Variants in STXBP5L observed in about 807,000 individuals in gnomAD.
STXBP5L encodes syntaxin binding protein 5L.
In STXBP5L, 65 loss-of-function variants were observed where a neutral mutation model predicts 144.5. That is an observed-to-expected ratio of 0.45 (90% CI 0.37 to 0.55). STXBP5L has a LOEUF of 0.55. STXBP5L is among the 20% of genes least tolerant of loss of function. The pLI, the probability that STXBP5L is intolerant of heterozygous loss-of-function variation, is 0.00. For missense variants in STXBP5L, 1,298 were observed against 1,405.5 expected (o/e 0.92, Z 1.22); for synonymous variants, 505 against 469.6 (o/e 1.08, Z -0.97).
At chr3:121,044,632 T>C (rs1462272197) in intron 4 of STXBP5L, among the ~76,000 whole-genome samples, 1 of 152,142 alleles carries the variant, frequency 6.6e-6, no homozygotes, top group Non-Finnish European at 1.5e-5. Flanking sequence ...TTTCAGCTGG[T>C]TAGCTGTCAT....
intron 19 of STXBP5L, among the ~76,000 whole-genome samples, chr3:121,315,856 G>T (rs1320022443): frequency 6.6e-6 from 1 of 151,912 alleles, no homozygotes; most frequent in Non-Finnish European, 1.5e-5. Flanking sequence ...ATAAAAATTA[G>T]CTGGGCTTGG....
chr3:120,959,529 G>A (rs1239232207), intron 3 of STXBP5L, among the ~76,000 whole-genome samples: 1 of 152,124 alleles, frequency 6.6e-6, no homozygotes, highest in Admixed American at 6.5e-5. Context: ...AAGCAAAACA[G>A]CATGGTACTG....
intron 2 of STXBP5L, among the ~76,000 whole-genome samples, chr3:120,926,762 T>C (rs1279388146): frequency 1.3e-5 from 2 of 152,160 alleles, no homozygotes; most frequent in Non-Finnish European, 2.9e-5. Context: ...TATTTTCAAA[T>C]AGCCTGTCTT....
chr3:121,005,278 G>T (rs1275593819), intron 3 of STXBP5L, among the ~76,000 whole-genome samples: 2 of 152,140 alleles, frequency 1.3e-5, no homozygotes, highest in South Asian at 2.1e-4. Context: ...ATTTAGTCTT[G>T]AGAGGGTGTA....
intron 18 of STXBP5L, among the ~76,000 whole-genome samples, chr3:121,261,727 C>T (rs1036400711): frequency 3.9e-5 from 6 of 152,102 alleles, no homozygotes; most frequent in African/African-American, 1.2e-4. Flanking sequence ...CCATTTATGA[C>T]TTCAAAAGAA....
At chr3:121,318,639 T>G (rs2043864665) in intron 20 of STXBP5L, 99 bp downstream of exon 20, 2 of 785,022 alleles carry the variant, frequency 2.5e-6, no homozygotes, top group African/African-American at 3.6e-5. Context: ...ATAATTTTAG[T>G]AATTAGGTAT....
At chr3:121,034,030 A>AG (rs1946574472) in intron 3 of STXBP5L, among the ~76,000 whole-genome samples, 1 of 152,146 alleles carries the variant, frequency 6.6e-6, no homozygotes, top group Middle Eastern at 3.2e-3. Context: ...CTAGGAAACT[A>AG]AGCTTTGGAT....
intron 20 of STXBP5L, among the ~76,000 whole-genome samples, chr3:121,350,407 C>T (rs536001576): frequency 5.3e-5 from 8 of 152,122 alleles, no homozygotes; most frequent in African/African-American, 1.9e-4. Context: ...TCCTTCATTT[C>T]AACTTTGGTG....
rs1296383379 is a variant in STXBP5L, at chr3:121,098,122, T to C, written c.471-16803T>C. ...ATATCAAGAAATGTGGAAAGCACAT[T>C]ATATTATCTAATATCTTGATATGTT... On this transcript the variant is annotated intron_variant, in intron 5 of 26. Transcript: ENST00000471454. Among the ~76,000 whole-genome samples the C allele has an allele frequency of 2.0e-5, 3 of 152,348 alleles. No individual in the cohort carries two copies. The East Asian group carries it at 5.8e-4, about 29-fold the overall frequency.
chr3:121,026,529 C>T (rs1266426094), intron 3 of STXBP5L, among the ~76,000 whole-genome samples: 1 of 151,958 alleles, frequency 6.6e-6, no homozygotes, highest in African/African-American at 2.4e-5. Flanking sequence ...ACTGATATAT[C>T]CTCATATGTA....
At chr3:120,927,827 G>A (rs1400858336) in intron 2 of STXBP5L, among the ~76,000 whole-genome samples, 1 of 152,052 alleles carries the variant, frequency 6.6e-6, no homozygotes, top group African/African-American at 2.4e-5. Context: ...TGCCATTTTG[G>A]AACCTGTAGT....
chr3:121,140,942 A>G (rs1336506939), intron 7 of STXBP5L, among the ~76,000 whole-genome samples: 2 of 152,186 alleles, frequency 1.3e-5, no homozygotes, highest in Non-Finnish European at 2.9e-5. Flanking sequence ...TTTAACTATA[A>G]TAAGTTTAAC....
chr3:121,053,131 T>C (rs1217153469), intron 5 of STXBP5L, among the ~76,000 whole-genome samples: 1 of 152,126 alleles, frequency 6.6e-6, no homozygotes, highest in Non-Finnish European at 1.5e-5. Flanking sequence ...TGCTCATGGG[T>C]AGGAAGAATC....
chr3:121,183,901 C>G (rs540201076), intron 9 of STXBP5L, among the ~76,000 whole-genome samples: 3 of 152,068 alleles, frequency 2.0e-5, no homozygotes, highest in African/African-American at 7.2e-5. Context: ...GCAGCCTCCG[C>G]TGGTGATACC....
intron 7 of STXBP5L, among the ~76,000 whole-genome samples, chr3:121,143,297 A>AG (rs2045581926): frequency 6.6e-6 from 1 of 151,468 alleles, no homozygotes; most frequent in Non-Finnish European, 1.5e-5. Flanking sequence ...TTAAATTAAA[A>AG]AAAAAAAAAC....
chr3:120,967,140 T>C (rs973781747), intron 3 of STXBP5L, among the ~76,000 whole-genome samples: 2 of 152,114 alleles, frequency 1.3e-5, no homozygotes, highest in Admixed American at 6.5e-5. Context: ...CTGCCGGTTT[T>C]TAAGACCTTG....
At chr3:121,207,491 T>C (rs1183778595) in intron 10 of STXBP5L, among the ~76,000 whole-genome samples, 1 of 152,168 alleles carries the variant, frequency 6.6e-6, no homozygotes, top group Non-Finnish European at 1.5e-5. Flanking sequence ...TGGGATCTAA[T>C]TAAACTAGAG....
intron 22 of STXBP5L, among the ~76,000 whole-genome samples, chr3:121,390,138 T>C (rs1214553287): frequency 6.6e-6 from 1 of 152,244 alleles, no homozygotes; most frequent in East Asian, 1.9e-4. Context: ...TACCATTATG[T>C]AATGGCCTTC....
At chr3:121,215,529 C>T (rs909165120) in intron 10 of STXBP5L, among the ~76,000 whole-genome samples, 1 of 152,084 alleles carries the variant, frequency 6.6e-6, no homozygotes, top group African/African-American at 2.4e-5. Context: ...TGAATATTGG[C>T]CCCAACTTTT....
Sources: allele counts gnomAD v4.1 joint callset (sites outside exome capture counted in the v4.1 genomes callset), GRCh38; gene constraint gnomAD v4.1.1; transcripts MANE v1.5; gene names NCBI Gene and HGNC (gene_info 2026-07-23, HGNC 2026-07-21).